RPS6KC1: variants seen among roughly 807,000 people sequenced by gnomAD.
RPS6KC1 encodes inactive ribosomal protein S6 kinase delta-1.
RPS6KC1 carries 54 observed loss-of-function variants against 103.8 expected under a neutral mutation model. The ratio of observed to expected loss-of-function variants is 0.52; its 90% CI spans 0.42 to 0.65. RPS6KC1 has a LOEUF of 0.65. Ranked by LOEUF, RPS6KC1 falls within the 30% of genes least tolerant of loss-of-function variation. The probability of loss-of-function intolerance (pLI) is 0.00; values close to 1 mark genes in which losing one functional copy is unlikely to be tolerated. For missense variants in RPS6KC1, 1,151 were observed against 1,253.8 expected (o/e 0.92, Z 1.24); for synonymous variants, 439 against 438.7 (o/e 1.00, Z -0.01).
At chr1:213,199,121 G>A (rs1274613899) in intron 8 of RPS6KC1, among the ~76,000 whole-genome samples, 1 of 152,142 alleles carries the variant, frequency 6.6e-6, no homozygotes, top group East Asian at 1.9e-4. Context: ...GAGGAGGAGG[G>A]ACTCTTTTGT....
chr1:213,157,168 A>G (rs1215348885), intron 6 of RPS6KC1, among the ~76,000 whole-genome samples: 1 of 150,948 alleles, frequency 6.6e-6, no homozygotes, highest in Non-Finnish European at 1.5e-5. Flanking sequence ...TATTTTTAAG[A>G]TATGCATTCT....
the RPS6KC1 span, among the ~76,000 whole-genome samples, chr1:213,768,076 C>G: frequency 6.6e-6 from 1 of 152,212 alleles, no homozygotes; most frequent in Non-Finnish European, 1.5e-5. Flanking sequence ...ATCTATATCA[C>G]TGAAACTACC....
At chr1:213,617,311 G>C in the RPS6KC1 span, among the ~76,000 whole-genome samples, 4 of 152,248 alleles carry the variant, frequency 2.6e-5, no homozygotes, top group South Asian at 8.3e-4. Flanking sequence ...CCAGAAATGG[G>C]CCCCACTAAA....
the RPS6KC1 span, among the ~76,000 whole-genome samples, chr1:213,665,927 T>A: frequency 6.6e-6 from 1 of 152,194 alleles, no homozygotes; most frequent in African/African-American, 2.4e-5. Context: ...AAGAAGATTT[T>A]AAAAAACTAC....
At chr1:213,534,260 G>C in the RPS6KC1 span, among the ~76,000 whole-genome samples, 3 of 152,190 alleles carry the variant, frequency 2.0e-5, no homozygotes, top group Admixed American at 2.0e-4. Context: ...GGTCAAGCCT[G>C]ACTTTTAAAA....
intron 8 of RPS6KC1, among the ~76,000 whole-genome samples, chr1:213,210,522 T>C (rs557300834): frequency 2.0e-5 from 3 of 152,376 alleles, no homozygotes; most frequent in Non-Finnish European, 4.4e-5. Flanking sequence ...ACCTGTAGAC[T>C]GTTGACAGAA....
At chr1:213,640,111 C>T in the RPS6KC1 span, among the ~76,000 whole-genome samples, 1 of 151,948 alleles carries the variant, frequency 6.6e-6, no homozygotes, top group Non-Finnish European at 1.5e-5. Flanking sequence ...TTATCTACTT[C>T]ATCTTGAGTG....
chr1:213,349,229 C>T, the RPS6KC1 span, among the ~76,000 whole-genome samples: 3 of 152,170 alleles, frequency 2.0e-5, no homozygotes, highest in Admixed American at 2.0e-4. Context: ...ATAAAAACTA[C>T]ACAAACACAC....
chr1:213,334,322 T>C, the RPS6KC1 span, among the ~76,000 whole-genome samples: 601 of 152,308 alleles, frequency 3.9e-3, 1 homozygote, highest in African/African-American at 0.014. Flanking sequence ...TTTATTACAT[T>C]CTTCTCATAT....
the RPS6KC1 span, among the ~76,000 whole-genome samples, chr1:213,754,745 T>A: frequency 1.3e-5 from 2 of 152,236 alleles, no homozygotes; most frequent in East Asian, 3.9e-4. Context: ...GCCTCAGGTA[T>A]TTCTTTACAG....
the RPS6KC1 span, among the ~76,000 whole-genome samples, chr1:213,707,332 C>A: frequency 2.0e-5 from 3 of 152,092 alleles, no homozygotes; most frequent in Non-Finnish European, 2.9e-5. Flanking sequence ...TGTTTATTGG[C>A]CGCATAAATG....
the RPS6KC1 span, among the ~76,000 whole-genome samples, chr1:213,525,735 G>C: frequency 6.6e-6 from 1 of 152,178 alleles, no homozygotes; most frequent in Non-Finnish European, 1.5e-5. Flanking sequence ...GATTATGATT[G>C]TCAGCCTTGG....
At chr1:213,675,957 A>T in the RPS6KC1 span, among the ~76,000 whole-genome samples, 1 of 152,190 alleles carries the variant, frequency 6.6e-6, no homozygotes, top group Non-Finnish European at 1.5e-5. Context: ...TACCTTTCAG[A>T]TAAAGTTCTA....
intron 2 of RPS6KC1, chr1:213,072,898 A>G: frequency 5.1e-6 from 5 of 978,106 alleles, no homozygotes; most frequent in Non-Finnish European, 6.1e-6. Flanking sequence ...CTATCCATGA[A>G]CATACTCTCT....
At chr1:213,506,866 G>A in the RPS6KC1 span, among the ~76,000 whole-genome samples, 2 of 152,318 alleles carry the variant, frequency 1.3e-5, no homozygotes. Flanking sequence ...AGTGATAATA[G>A]ATGTCTGGCT....
chr1:213,535,937 C>T, the RPS6KC1 span, among the ~76,000 whole-genome samples: 4 of 152,118 alleles, frequency 2.6e-5, no homozygotes, highest in Non-Finnish European at 4.4e-5. Flanking sequence ...AGGCTCCTGG[C>T]TGCCTGGGTT....
At chr1:213,415,860 A>C in the RPS6KC1 span, among the ~76,000 whole-genome samples, 1 of 152,212 alleles carries the variant, frequency 6.6e-6, no homozygotes, top group Non-Finnish European at 1.5e-5. Flanking sequence ...CAGACCGGTT[A>C]AATTGCTGTG....
At chr1:213,643,784 G>C in the RPS6KC1 span, among the ~76,000 whole-genome samples, 1 of 151,856 alleles carries the variant, frequency 6.6e-6, no homozygotes, top group Admixed American at 6.6e-5. Context: ...CTAGTAGATA[G>C]CATTAATCAA....
chr1:213,717,097 G>C, the RPS6KC1 span, among the ~76,000 whole-genome samples: 5 of 152,208 alleles, frequency 3.3e-5, no homozygotes, highest in African/African-American at 1.2e-4. Context: ...ATGTGAGGCT[G>C]GCCAGCTAGC....
Sources: allele counts gnomAD v4.1 joint callset (sites outside exome capture counted in the v4.1 genomes callset), GRCh38; gene constraint gnomAD v4.1.1; transcripts MANE v1.5; gene names NCBI Gene and HGNC (gene_info 2026-07-23, HGNC 2026-07-21).